The following PEPD variants were observed in gnomAD, a reference collection of about 807,000 sequenced individuals.
The protein encoded by PEPD is peptidase D.
In PEPD, 53 loss-of-function variants were observed where a neutral mutation model predicts 60.7. That is an observed-to-expected ratio of 0.87 (90% confidence interval 0.70 to 1.10). The LOEUF is 1.10. Ranked by LOEUF, PEPD falls within the 50% of genes least tolerant of loss-of-function variation. The pLI is 0.00. For missense variants in PEPD, 711 were observed against 711.9 expected (o/e 1.00, Z 0.01); for synonymous variants, 267 against 284.1 (o/e 0.94, Z 0.60).
At chr19:33,511,340 G>C (rs375566321) in intron 2 of PEPD, 185 bp from the exon 3 acceptor site, 2 of 623,968 alleles carry the variant, frequency 3.2e-6, no homozygotes, top group African/African-American at 1.8e-5. Context: ...AGTTTGGCAG[G>C]GGGCAGCCTG....
chr19:33,397,105 C>T (rs1968383884), intron 12 of PEPD, among the ~76,000 whole-genome samples: 1 of 152,176 alleles, frequency 6.6e-6, no homozygotes, highest in South Asian at 2.1e-4. Flanking sequence ...GCTGGGCCTG[C>T]CCTGCCACCC....
At chr19:33,472,414 CAG>C (rs1169716919) in intron 7 of PEPD, among the ~76,000 whole-genome samples, 2 of 152,158 alleles carry the variant, frequency 1.3e-5, no homozygotes, top group East Asian at 1.9e-4. Flanking sequence ...CACAGCCTCA[CAG>C]AGAGTCCCCA....
intron 9 of PEPD, among the ~76,000 whole-genome samples, chr19:33,448,419 TG>T: frequency 6.6e-6 from 1 of 152,172 alleles, no homozygotes; most frequent in African/African-American, 2.4e-5. Flanking sequence ...CCTTCCGGCA[TG>T]GAAGAACAGG....
intron 9 of PEPD, 152 bp from the exon 10 acceptor site, chr19:33,413,795 C>A (rs560418733): frequency 1.5e-6 from 1 of 647,186 alleles, no homozygotes; most frequent in East Asian, 2.7e-5. Flanking sequence ...GTCTGTGAGG[C>A]TTACAGCCTG....
At chr19:33,508,092 C>A (rs1385334809) in intron 3 of PEPD, among the ~76,000 whole-genome samples, 2 of 152,120 alleles carry the variant, frequency 1.3e-5, no homozygotes, top group African/African-American at 4.8e-5. Context: ...CAGACCCTCC[C>A]TGAAGCTGTT....
Position 33,512,626 on chromosome 19 carries a change from G to C in PEPD, c.168C>G (p.Arg56=). 2 of 1,613,934 alleles carry C rather than the reference G, an allele frequency of 1.2e-6. No individual in the cohort carries two copies. Among genetic ancestry groups the C allele is most frequent in the Non-Finnish European group, 1.7e-6 (2 of 1,179,968 alleles). The change falls in exon 2 of 15, where the codon CGC becomes CGG. Residue 56 remains arginine, a synonymous_variant. Coordinates refer to ENST00000244137, the MANE Select transcript of PEPD (RefSeq NM_000285.4). The stretch of plus-strand genomic sequence containing the variant: ...AGAGGACCCCGGTGTCGGTGCAGTA[G>C]CGCTGAGTCTCCTCCCCGCCCTGCA... ...VVLQGGEETQ[R]YCTDTGVLFR...
At chr19:33,393,632 C>T (rs1000506977) in intron 12 of PEPD, among the ~76,000 whole-genome samples, 1 of 152,046 alleles carries the variant, frequency 6.6e-6, no homozygotes, top group Non-Finnish European at 1.5e-5. Flanking sequence ...CTGGAGGCAG[C>T]ACCCCGGACA....
chr19:33,437,989 T>G (rs1442763908), intron 9 of PEPD, among the ~76,000 whole-genome samples: 1 of 152,098 alleles, frequency 6.6e-6, no homozygotes, highest in Non-Finnish European at 1.5e-5. Flanking sequence ...GAAAAAACAA[T>G]GCAGGAAGGA....
intron 8 of PEPD, 89 bp downstream of exon 8, chr19:33,463,898 C>T: frequency 1.2e-6 from 1 of 846,850 alleles, no homozygotes. Flanking sequence ...GGATTAGAGC[C>T]CACCTGGAAA....
intron 9 of PEPD, among the ~76,000 whole-genome samples, chr19:33,452,438 G>C (rs1969715386): frequency 1.3e-5 from 2 of 152,036 alleles, no homozygotes; most frequent in African/African-American, 4.8e-5. Flanking sequence ...GAGGAGAAAG[G>C]AATTAATAAT....
intron 4 of PEPD, among the ~76,000 whole-genome samples, chr19:33,497,643 G>A (rs78366338): frequency 0.072 from 10,896 of 152,274 alleles, 517 homozygotes; most frequent in Non-Finnish European, 0.11. Flanking sequence ...GACAGCTAAG[G>A]CCACCCCAAG....
intron 9 of PEPD, among the ~76,000 whole-genome samples, chr19:33,431,176 AAGGAAGGG>A (rs1156917940): frequency 7.4e-6 from 1 of 135,718 alleles, no homozygotes; most frequent in Non-Finnish European, 1.6e-5. Context: ...GGAAGGAAGG[AAGGAAGGG>A]AGGGAGGGAG....
intron 13 of PEPD, among the ~76,000 whole-genome samples, chr19:33,389,758 G>T (rs977189732): frequency 1.3e-5 from 2 of 152,268 alleles, no homozygotes; most frequent in Non-Finnish European, 2.9e-5. Context: ...CACTGAAGTG[G>T]GGTGGGGGAG....
intron 11 of PEPD, among the ~76,000 whole-genome samples, chr19:33,404,250 G>A (rs1204871409): frequency 6.6e-6 from 1 of 152,194 alleles, no homozygotes; most frequent in Non-Finnish European, 1.5e-5. Flanking sequence ...GTTCCCCAGA[G>A]TCAACCAAGA....
chr19:33,463,681 AT>A (rs1237961054), intron 8 of PEPD, among the ~76,000 whole-genome samples: 1 of 152,230 alleles, frequency 6.6e-6, no homozygotes, highest in Non-Finnish European at 1.5e-5. Flanking sequence ...CTGCTGGGAT[AT>A]GAAGAAGGAG....
chr19:33,388,697 G>C (rs2145322420), intron 13 of PEPD: 1 of 183,782 alleles, frequency 5.4e-6, no homozygotes, highest in African/African-American at 2.3e-5. Flanking sequence ...TCCCAGAGGA[G>C]AGCTCGGGGC....
chr19:33,476,792 G>A (rs1407135731), intron 7 of PEPD, among the ~76,000 whole-genome samples: 2 of 152,012 alleles, frequency 1.3e-5, no homozygotes, highest in African/African-American at 2.4e-5. Context: ...GTCTCCCTAA[G>A]AGCTGGGACT....
intron 3 of PEPD, among the ~76,000 whole-genome samples, chr19:33,504,492 C>T (rs963058645): frequency 6.6e-6 from 1 of 152,202 alleles, no homozygotes; most frequent in Non-Finnish European, 1.5e-5. Flanking sequence ...GGCCGGGCAC[C>T]GTGGCTCACG....
At chr19:33,517,696 G>T (rs1044377524) in intron 1 of PEPD, among the ~76,000 whole-genome samples, 9 of 152,022 alleles carry the variant, frequency 5.9e-5, no homozygotes, top group African/African-American at 1.9e-4. Context: ...GCCAGGTGCG[G>T]TGGCTCACGC....
Sources: gnomAD v4.1 joint callset for allele counts (sites outside exome capture counted in the v4.1 genomes callset) on GRCh38, gnomAD v4.1.1 for gene constraint, MANE v1.5 for transcripts, NCBI Gene and HGNC (gene_info 2026-07-23, HGNC 2026-07-21) for gene names.